Variants in BCL7C observed in about 807,000 individuals in gnomAD.
The protein encoded by BCL7C is BAF chromatin remodeling complex subunit BCL7C.
Under a neutral mutation model 26.2 loss-of-function variants are expected in BCL7C, and 8 were observed. The ratio of observed to expected loss-of-function variants is 0.30; its 90% CI spans 0.18 to 0.55. The LOEUF (loss-of-function observed/expected upper bound fraction) is 0.55, where lower values mean the gene tolerates loss of function less well. Ranked by LOEUF, BCL7C falls within the 20% of genes least tolerant of loss-of-function variation. The pLI, the probability that BCL7C is intolerant of heterozygous loss-of-function variation, is 0.93. For synonymous variants in BCL7C, 90 were observed against 116.5 expected, an observed-to-expected ratio of 0.77 and a Z score of 1.47; for missense variants, 262 against 298.5, an observed-to-expected ratio of 0.88 and a Z score of 0.90.
At chr16:30,850,209 CAAAAAAAA>C (rs778231654) in intron 5 of BCL7C, among the ~76,000 whole-genome samples, 4 of 86,566 alleles carry the variant, frequency 4.6e-5, no homozygotes, top group African/African-American at 8.0e-5. Flanking sequence ...GACTCCATCT[CAAAAAAAA>C]AAAAAAAAAA....
At chr16:30,878,409 C>T (rs545442720) in intron 5 of BCL7C, among the ~76,000 whole-genome samples, 6 of 150,372 alleles carry the variant, frequency 4.0e-5, no homozygotes, top group Non-Finnish European at 5.9e-5. Flanking sequence ...TGTGGTGGCA[C>T]GCGCCTGTAG....
Position 30,834,690 on chromosome 16 carries a change from G to C in BCL7C, c.*258C>G, listed in dbSNP as rs1278461670. 2 of 365,488 alleles carry C rather than the reference G, an allele frequency of 5.5e-6. No individual in the cohort carries two copies. Among genetic ancestry groups the C allele is most frequent in the African/African-American group, 2.1e-5 (1 of 47,774 alleles). The allele number at this position is 365,488 out of a possible 1,614,324, so 22.6% of individuals were successfully genotyped here. On this transcript the variant is annotated 3_prime_UTR_variant, in exon 6 of 6. Transcript: ENST00000380317. This position sits in a 1 kb window ranked among gnomAD's most constrained non-coding sequence, Gnocchi z 4.3. ...GGCAGCCCAGTGCACCCCTCCCCTA[G>C]GCCTCTAGCAAGGCGGCCTCAGGCA...
intron 5 of BCL7C, among the ~76,000 whole-genome samples, chr16:30,847,483 T>A (rs1265557369): frequency 6.6e-6 from 1 of 152,120 alleles, no homozygotes; most frequent in Non-Finnish European, 1.5e-5. Context: ...CTGTTGCCAG[T>A]AGGTCTTTAA....
chr16:30,850,244 A>G (rs1317715460), intron 5 of BCL7C, among the ~76,000 whole-genome samples: 3 of 151,950 alleles, frequency 2.0e-5, no homozygotes, highest in Non-Finnish European at 2.9e-5. Flanking sequence ...AAAAGAAAAA[A>G]AGAAATATGC....
chr16:30,862,994 C>A (rs2054791575), intron 5 of BCL7C, among the ~76,000 whole-genome samples: 1 of 152,176 alleles, frequency 6.6e-6, no homozygotes, highest in Admixed American at 6.5e-5. Context: ...AATTTTTATA[C>A]AAGAGCTGGG....
In BCL7C at chr16:30,892,950, TG is replaced by T. The variant is rs1238851783; in HGVS notation, c.172-3del. ...CCCGCCACCTGCCCGCCTTCGCTCC[TG>T]GGGGTTAGAGGATTAGGGTCAGAGC... On this transcript the variant is annotated splice_region_variant and splice_polypyrimidine_tract_variant and intron_variant, in intron 2 of 5. Coordinates refer to ENST00000215115, the MANE Select transcript of BCL7C (RefSeq NM_004765.4). The T allele has an allele frequency of 6.2e-7, 1 of 1,611,784 alleles. No homozygotes were observed. The highest frequency in any genetic ancestry group is 1.1e-5 in the South Asian group (1 of 90,948).
downstream of BCL7C, among the ~76,000 whole-genome samples, chr16:30,884,410 G>T (rs1478109126): frequency 6.6e-6 from 1 of 151,698 alleles, no homozygotes; most frequent in Non-Finnish European, 1.5e-5. Context: ...CAGGCCAAAG[G>T]CTGTCTCTCC....
chr16:30,891,447 G>A (rs970090622), intron 4 of BCL7C, among the ~76,000 whole-genome samples: 1 of 152,052 alleles, frequency 6.6e-6, no homozygotes, highest in African/African-American at 2.4e-5. Context: ...TGGCAAGAGC[G>A]AAACTCTCTC....
intron 5 of BCL7C, among the ~76,000 whole-genome samples, chr16:30,888,448 T>A (rs1384133344): frequency 6.6e-6 from 1 of 152,052 alleles, no homozygotes; most frequent in Non-Finnish European, 1.5e-5. Context: ...GCAATTCTCC[T>A]GCCTTAGCCT....
intron 5 of BCL7C, among the ~76,000 whole-genome samples, chr16:30,866,534 G>A (rs1038536921): frequency 4.0e-5 from 6 of 148,938 alleles, no homozygotes; most frequent in African/African-American, 1.5e-4. Context: ...CCAAGATCGG[G>A]CCACTGCACT....
chr16:30,885,769 C>T (rs557595907), downstream of BCL7C, among the ~76,000 whole-genome samples: 1 of 152,304 alleles, frequency 6.6e-6, no homozygotes, highest in African/African-American at 2.4e-5. Flanking sequence ...GAAACAGTTA[C>T]ACTACATTGC....
rs1267150479 is a variant in BCL7C, at chr16:30,893,535, G to A, written c.93-245C>T. On this transcript the variant is annotated intron_variant, in intron 1 of 5. Transcript: ENST00000215115. This position sits in a 1 kb window ranked among gnomAD's most constrained non-coding sequence, Gnocchi z 5.2. ...CTCTGCGGACCCCTGGGGCACACAT[G>A]GGGGGCGTGGCTATGGGCCTGGCCC... 6.6e-6 allele frequency among the ~76,000 whole-genome samples: 1 copy of A among 152,096 alleles called. No homozygotes were observed. The highest frequency in any genetic ancestry group is 1.5e-5 in the Non-Finnish European group (1 of 67,990).
intron 5 of BCL7C, among the ~76,000 whole-genome samples, chr16:30,842,355 G>GT (rs1362932372): frequency 1.3e-5 from 2 of 152,160 alleles, no homozygotes; most frequent in African/African-American, 4.8e-5. Flanking sequence ...CACCCAATCT[G>GT]TGGTACCTTG....
chr16:30,864,593 C>A (rs1445935528), intron 5 of BCL7C, among the ~76,000 whole-genome samples: 1 of 152,094 alleles, frequency 6.6e-6, no homozygotes, highest in Non-Finnish European at 1.5e-5. Flanking sequence ...CCATACCACC[C>A]CCAAAAATTT....
At chr16:30,891,740 G>A (rs1364752012) in intron 4 of BCL7C, among the ~76,000 whole-genome samples, 1 of 152,106 alleles carries the variant, frequency 6.6e-6, no homozygotes, top group Non-Finnish European at 1.5e-5. Context: ...TGAGACAGGA[G>A]GATCATTTCA....
chr16:30,861,682 T>C (rs1386695332), intron 5 of BCL7C, among the ~76,000 whole-genome samples: 1 of 152,142 alleles, frequency 6.6e-6, no homozygotes, highest in Non-Finnish European at 1.5e-5. Context: ...ACAGACGCTT[T>C]GGGTAACTCT....
intron 5 of BCL7C, among the ~76,000 whole-genome samples, chr16:30,836,107 G>C (rs761591423): frequency 6.6e-6 from 1 of 152,090 alleles, no homozygotes; most frequent in Non-Finnish European, 1.5e-5. Context: ...ACAAAAATTA[G>C]CTGGGCATGG....
exon 6 of BCL7C, chr16:30,833,743 A>C (rs1286750821): frequency 2.0e-5 from 3 of 152,190 alleles, no homozygotes; most frequent in Non-Finnish European, 4.4e-5. Context: ...CTGTCATCTC[A>C]ATCATTGGTA....
At chr16:30,857,387 C>CAAAA (rs71149059) in intron 5 of BCL7C, among the ~76,000 whole-genome samples, 1 of 90,352 alleles carries the variant, frequency 1.1e-5, no homozygotes. Flanking sequence ...GACTCCATCT[C>CAAAA]AAAAAAAAAA....
Sources: gnomAD v4.1 joint callset for allele counts (sites outside exome capture counted in the v4.1 genomes callset) on GRCh38, gnomAD v4.1.1 for gene constraint, Gnocchi (gnomAD v3.1) non-coding constraint, MANE v1.5 for transcripts, NCBI Gene and HGNC (gene_info 2026-07-23, HGNC 2026-07-21) for gene names.